Variants in RUFY4 observed in about 807,000 individuals in gnomAD.
RUFY4 encodes RUN and FYVE domain containing 4, also known as RUN and FYVE domain-containing protein 4.
In RUFY4, 73 loss-of-function variants were observed where a neutral mutation model predicts 69.0. The observed-to-expected ratio is 1.06, with a 90% CI of 0.88 to 1.29. The LOEUF is 1.29. Ranked by LOEUF, RUFY4 falls within the 50% of genes most tolerant of loss-of-function variation. The pLI is 0.00. For synonymous variants in RUFY4, 287 were observed against 271.8 expected, an observed-to-expected ratio of 1.06 and a Z score of -0.55; for missense variants, 770 against 705.6, an observed-to-expected ratio of 1.09 and a Z score of -1.03.
At chr2:218,048,443 G>T (rs1688878366) in intron 2 of RUFY4, among the ~76,000 whole-genome samples, 1 of 152,120 alleles carries the variant, frequency 6.6e-6, no homozygotes, top group African/African-American at 2.4e-5. Flanking sequence ...AGTTTAATTA[G>T]ATCCCATTTG....
intron 6 of RUFY4, 102 bp from the exon 9 acceptor site, chr2:218,074,991 T>C (rs1385409379): frequency 2.4e-6 from 3 of 1,263,524 alleles, no homozygotes; most frequent in African/African-American, 3.0e-5. Flanking sequence ...GGTACCTATC[T>C]ATTTAGCAAG....
At chr2:218,069,527 T>G (rs1004908677), upstream of RUFY4, 1 of 152,218 alleles carries the variant, frequency 6.6e-6, no homozygotes, top group Non-Finnish European at 1.5e-5. Flanking sequence ...CAATCTTTGG[T>G]CTACAGGTTG....
At chr2:218,082,480 G>A (rs1689783869) in intron 8 of RUFY4, among the ~76,000 whole-genome samples, 1 of 152,118 alleles carries the variant, frequency 6.6e-6, no homozygotes. Context: ...AGGAAATGTT[G>A]GCTCATCCCC....
At chr2:218,052,557 T>A (rs536114373) in intron 2 of RUFY4, among the ~76,000 whole-genome samples, 4 of 152,128 alleles carry the variant, frequency 2.6e-5, no homozygotes, top group Non-Finnish European at 5.9e-5. Context: ...AGGCTTTTCT[T>A]TATCTTTTAA....
chr2:218,081,847 CCA>C (rs759347545), intron 8 of RUFY4, among the ~76,000 whole-genome samples: 13 of 152,154 alleles, frequency 8.5e-5, no homozygotes, highest in Non-Finnish European at 1.6e-4. Flanking sequence ...ATGTCATGGC[CCA>C]CCCAACTTTC....
At chr2:218,087,159 C>A (rs1275155729) in intron 9 of RUFY4, among the ~76,000 whole-genome samples, 1 of 151,832 alleles carries the variant, frequency 6.6e-6, no homozygotes, top group Non-Finnish European at 1.5e-5. Flanking sequence ...TAAATGCTAC[C>A]ACCTTAACAA....
Position 218,036,424 on chromosome 2 carries a change from C to A in RUFY4, c.-1158+1030C>A, listed in dbSNP as rs181063456. Among the ~76,000 whole-genome samples the A allele has an allele frequency of 1.8e-4, 27 of 150,316 alleles. No individual in the cohort carries two copies. The East Asian group carries it at 4.5e-3, about 25-fold the overall frequency. On this transcript the variant is annotated intron_variant and NMD_transcript_variant, in intron 2 of 13. Coordinates refer to the RUFY4 transcript ENST00000457754. ...AGGAATCACATTATCTAGCATCCTA[C>A]GACTGGGTTAAATTAAAACAGGGGG...
At chr2:218,035,201 C>CTCA (rs1209472831) in intron 1 of RUFY4, 1 of 152,268 alleles carries the variant, frequency 6.6e-6, no homozygotes, top group Non-Finnish European at 1.5e-5. Flanking sequence ...AGCAGGGAGA[C>CTCA]CCCTGGAACT....
chr2:218,069,062 A>G (rs1689417690), upstream of RUFY4: 1 of 152,288 alleles, frequency 6.6e-6, no homozygotes, highest in Admixed American at 6.5e-5. Flanking sequence ...ATCAGCCCCC[A>G]TTTGGCCAAC....
At chr2:218,078,907 G>A (rs1272627159) in intron 8 of RUFY4, among the ~76,000 whole-genome samples, 4 of 152,116 alleles carry the variant, frequency 2.6e-5, no homozygotes, top group Non-Finnish European at 1.5e-5. Flanking sequence ...CGCTCTTGCT[G>A]CCCAGGCTGG....
intron 9 of RUFY4, among the ~76,000 whole-genome samples, chr2:218,088,867 G>A (rs1030275305): frequency 6.6e-6 from 1 of 151,588 alleles, no homozygotes; most frequent in Non-Finnish European, 1.5e-5. Context: ...TTCTCTGTGT[G>A]TGTCTCTCTC....
At chr2:218,081,830 C>T (rs1689765410) in intron 8 of RUFY4, among the ~76,000 whole-genome samples, 1 of 152,218 alleles carries the variant, frequency 6.6e-6, no homozygotes, top group East Asian at 1.9e-4. Flanking sequence ...GAGCTGCTGA[C>T]AGTTTGATGT....
At chr2:218,083,078 C>G in intron 8 of RUFY4, 32 bp from the exon 11 acceptor site, 1 of 1,559,458 alleles carries the variant, frequency 6.4e-7, no homozygotes, top group Non-Finnish European at 8.6e-7. Context: ...GAGCTTTGCC[C>G]CCTGAGAACC....
chr2:218,063,852 A>C lies in RUFY4; in HGVS notation c.-1070-4743A>C, dbSNP rs543844231. Among the ~76,000 whole-genome samples, 445 of 152,192 alleles carry C rather than the reference A, an allele frequency of 2.9e-3. 7 individuals are homozygous for C. In the South Asian group the frequency reaches 0.045, roughly 16 times the overall value. On this transcript the variant is annotated intron_variant and NMD_transcript_variant, in intron 3 of 13. Transcript: ENST00000457754. ...CAGCCCATAAGGCAAGGTTCCTAAG[A>C]AGCTCTTCCTTCACCTGAGCTGAGC...
At chr2:218,065,473 C>A (rs898275509), upstream of RUFY4, 2 of 152,532 alleles carry the variant, frequency 1.3e-5, no homozygotes, top group African/African-American at 2.4e-5. Context: ...TGAACCCTAA[C>A]CTTGCCGGGC....
exon 8 of RUFY4, chr2:218,076,431 T>A (rs182628120): frequency 1.9e-6 from 3 of 1,549,570 alleles, no homozygotes; most frequent in Non-Finnish European, 2.6e-6. Flanking sequence ...CCACAGAGCC[T>A]CAGACTTGGG....
intron 6 of RUFY4, among the ~76,000 whole-genome samples, chr2:218,074,651 G>A (rs914692062): frequency 1.8e-4 from 27 of 152,210 alleles, no homozygotes; most frequent in African/African-American, 6.3e-4. Flanking sequence ...CTTCTTGAGA[G>A]GTTGCTCTTA....
chr2:218,060,918 C>T, intron 3 of RUFY4: 1 of 981,462 alleles, frequency 1.0e-6, no homozygotes, highest in Non-Finnish European at 1.7e-6. Context: ...GTTCCACAAA[C>T]CCAGACATAT....
exon 7 of RUFY4, chr2:218,075,518 C>A: frequency 6.4e-7 from 1 of 1,560,372 alleles, no homozygotes; most frequent in Non-Finnish European, 8.7e-7. Flanking sequence ...GGAGTCACGT[C>A]CAGAGGCTGC....
Sources: allele counts gnomAD v4.1 joint callset (sites outside exome capture counted in the v4.1 genomes callset), GRCh38; gene constraint gnomAD v4.1.1; transcripts MANE v1.5; gene names NCBI Gene and HGNC (gene_info 2026-07-23, HGNC 2026-07-21).